CCDC141: variants seen among roughly 807,000 people sequenced by gnomAD.
CCDC141 encodes coiled-coil domain containing 141, also known as coiled-coil domain-containing protein 141.
In CCDC141, 168 loss-of-function variants were observed where a neutral mutation model predicts 181.0. The observed-to-expected ratio is 0.93, with a 90% CI of 0.82 to 1.05. CCDC141 has a LOEUF of 1.05. Ranked by LOEUF, CCDC141 falls within the 50% of genes least tolerant of loss-of-function variation. The pLI is 0.00. For synonymous variants in CCDC141, 666 were observed against 642.3 expected (o/e 1.04, Z -0.56); for missense variants, 1,902 against 1,788.5 (o/e 1.06, Z -1.14).
intron 5 of CCDC141, among the ~76,000 whole-genome samples, chr2:178,958,128 A>G (rs1223071939): frequency 6.6e-6 from 1 of 152,236 alleles, no homozygotes; most frequent in Non-Finnish European, 1.5e-5. Context: ...ACCAGGGTTT[A>G]GAGGGAAGGG....
chr2:178,911,805 G>A (rs1398659862), intron 7 of CCDC141, among the ~76,000 whole-genome samples: 3 of 152,182 alleles, frequency 2.0e-5, no homozygotes, highest in African/African-American at 7.2e-5. Context: ...TTATGGAAAT[G>A]ATACAAAACA....
Position 178,970,424 on chromosome 2 carries a change from T to C in CCDC141, c.526+4633A>G, listed in dbSNP as rs112872589. Among the ~76,000 whole-genome samples, 1,037 of 152,248 alleles carry C rather than the reference T, an allele frequency of 6.8e-3. 6 individuals are homozygous for C. The highest frequency in any genetic ancestry group is 0.013 in the South Asian group (62 of 4,828). Reference sequence around the variant, plus strand: ...CGTGATACTGGTACCAAAACAGATATATAGACCAATGGAACAGAACACAGG... The same window carrying C: ...CGTGATACTGGTACCAAAACAGATACATAGACCAATGGAACAGAACACAGG... On this transcript the variant is annotated intron_variant, in intron 4 of 23. Coordinates refer to ENST00000443758, the MANE Select transcript of CCDC141 (RefSeq NM_173648.4).
In CCDC141 at chr2:178,903,775, T is replaced by TAA. The variant is rs200542386; in HGVS notation, c.1265+1552_1265+1553dup. On this transcript the variant is annotated intron_variant, in intron 8 of 23. Transcript: ENST00000443758. ...GTATAGTAATAATTTAAAAAAAAAT[T>TAA]AAAAAAAAAAAGAAAGGAACCTTTC... Among the ~76,000 whole-genome samples, 493 of 142,342 alleles carry TAA rather than the reference T, an allele frequency of 3.5e-3. 5 individuals are homozygous for TAA. The highest frequency in any genetic ancestry group is 0.012 in the African/African-American group (478 of 38,784). The allele number at this position is 142,342 out of a possible 152,430, so 93.4% of individuals were successfully genotyped here. A position where few individuals can be genotyped will look rare whatever the true frequency, so the allele number is the denominator to read the frequency against.
intron 4 of CCDC141, among the ~76,000 whole-genome samples, chr2:178,972,555 C>T (rs62177349): frequency 0.16 from 24,729 of 152,100 alleles, 2,097 homozygotes; most frequent in Non-Finnish European, 0.19. Flanking sequence ...AAAATGGCCA[C>T]GTACTCCCCT....
rs758197319 is a variant in CCDC141, at chr2:178,856,297, T to C, written c.2825A>G (p.Tyr942Cys). The C allele has an allele frequency of 6.2e-7, 1 of 1,610,734 alleles. No homozygotes were observed. Among genetic ancestry groups the C allele is most frequent in the South Asian group, 1.1e-5 (1 of 90,378 alleles). Residue 942 changes from tyrosine (Y) to cysteine (C), a missense_variant, in exon 18 of 24, where the codon TAT becomes TGT. Physicochemically the swap from Tyr to Cys is radical, Grantham distance 194 (BLOSUM62 -2). Coordinates refer to ENST00000443758, the MANE Select transcript of CCDC141 (RefSeq NM_173648.4). Reference sequence around the variant, plus strand: ...ATACATATCAACTTGCTGAATTTGATATTTAAGCGCCTTCAGATTCCGAGA... The same window carrying C: ...ATACATATCAACTTGCTGAATTTGACATTTAAGCGCCTTCAGATTCCGAGA... ...EKSRNLKALK[Y>C]QIQQVDMYAE...
intron 2 of CCDC141, among the ~76,000 whole-genome samples, chr2:179,017,348 T>C (rs1216587602): frequency 6.6e-6 from 1 of 152,168 alleles, no homozygotes; most frequent in Admixed American, 6.6e-5. Flanking sequence ...TTCCACTTCT[T>C]ACTTACATCT....
chr2:178,852,097 C>A lies in CCDC141; in HGVS notation c.3244+1344G>T, dbSNP rs758732458. 2.0e-5 allele frequency among the ~76,000 whole-genome samples: 3 copies of A among 152,128 alleles called. No individual in the cohort carries two copies. The East Asian group carries it at 5.8e-4, about 29-fold the overall frequency. On this transcript the variant is annotated intron_variant, in intron 20 of 23. Transcript: ENST00000443758. ...TAGACAGTGAACTAACAAGCAAAAT[C>A]GCTCCTCAAATACAGCTTACACTCT... is the stretch of plus-strand genomic sequence containing the variant.
Position 178,871,544 on chromosome 2 carries a change from G to GT in CCDC141, c.2087dup (p.His696GlnfsTer17). The stretch of plus-strand genomic sequence containing the variant: ...GTGCTTCCTGAAGAAGTTTTAAGTT[G>GT]TGAGAAGTCTGAAATAAATATTGGA... On this transcript the variant is annotated frameshift_variant, in exon 14 of 24. Transcript: ENST00000443758. LOFTEE classifies it high-confidence loss of function. 6.2e-7 allele frequency: 1 copy of GT among 1,611,960 alleles called. No homozygotes were observed. The highest frequency in any genetic ancestry group is 8.5e-7 in the Non-Finnish European group (1 of 1,179,416).
intron 11 of CCDC141, among the ~76,000 whole-genome samples, chr2:178,878,923 A>T (rs1686472228): frequency 6.6e-6 from 1 of 152,190 alleles, no homozygotes; most frequent in Admixed American, 6.5e-5. Flanking sequence ...CCAGTGAAAG[A>T]TTATTAGTAA....
At chr2:178,847,875 C>T (rs1257523183) in intron 21 of CCDC141, among the ~76,000 whole-genome samples, 1 of 152,178 alleles carries the variant, frequency 6.6e-6, no homozygotes, top group African/African-American at 2.4e-5. Flanking sequence ...CTGAGAGACA[C>T]CCCTCATTCT....
At chr2:178,993,794 G>T (rs1181377598) in intron 2 of CCDC141, among the ~76,000 whole-genome samples, 1 of 152,060 alleles carries the variant, frequency 6.6e-6, no homozygotes, top group Non-Finnish European at 1.5e-5. Flanking sequence ...GGGAGTACAG[G>T]CATTGGGTTA....
At position 179,040,260 on chromosome 2, in the gene CCDC141, C is replaced by T. The variant is rs939180785; in HGVS notation, c.225+7024G>A. 3.3e-5 allele frequency among the ~76,000 whole-genome samples: 5 copies of T among 152,208 alleles called. No homozygotes were observed. In the East Asian group the frequency reaches 9.6e-4, roughly 29 times the overall value. ...GATAAAAAGCCTAAAGTCCAGAGAA[C>T]TTAAATGGCTAGTCCACACATAGCC... On this transcript the variant is annotated intron_variant, in intron 2 of 23. Coordinates refer to ENST00000443758, the MANE Select transcript of CCDC141 (RefSeq NM_173648.4).
chr2:178,945,883 G>A (rs1473778669), intron 5 of CCDC141, among the ~76,000 whole-genome samples: 1 of 145,512 alleles, frequency 6.9e-6, no homozygotes, highest in Non-Finnish European at 1.5e-5. Flanking sequence ...ACACATCAGA[G>A]TTAAGGGCTC....
intron 2 of CCDC141, among the ~76,000 whole-genome samples, chr2:179,021,152 C>T (rs1254033952): frequency 6.6e-6 from 1 of 152,032 alleles, no homozygotes; most frequent in Non-Finnish European, 1.5e-5. Context: ...CATTTTATGC[C>T]TTTATTTCAC....
intron 2 of CCDC141, among the ~76,000 whole-genome samples, chr2:178,984,974 C>T (rs1234105139): frequency 8.0e-5 from 12 of 150,708 alleles, no homozygotes; most frequent in Admixed American, 4.6e-4. Flanking sequence ...ACCTAATAGA[C>T]ATCTACAGAA....
At position 178,872,185 on chromosome 2, in the gene CCDC141, T is replaced by C. The variant is rs1221226265; in HGVS notation, c.2027A>G (p.Glu676Gly). The C allele has an allele frequency of 1.9e-6, 3 of 1,613,956 alleles. No homozygotes were observed. The highest frequency in any genetic ancestry group is 2.5e-6 in the Non-Finnish European group (3 of 1,179,988). ...LRLAWQLKAT[E>G]SKPGKQQWAA... ...CCACTGCTGTTTTCCAGGCTTGCTT[T>C]CCGTGGCTTTAAGCTGCCATGCCAG... The change falls in exon 13 of 24, where the codon GAA becomes GGA. Residue 676 changes from glutamate to glycine, a missense_variant. Physicochemically the swap from Glu to Gly is moderately conservative, Grantham distance 98 (BLOSUM62 -2). Coordinates refer to ENST00000443758, the MANE Select transcript of CCDC141 (RefSeq NM_173648.4).
chr2:178,855,676 A>G, intron 18 of CCDC141, 135 bp from the exon 19 acceptor site: 1 of 548,934 alleles, frequency 1.8e-6, no homozygotes, highest in East Asian at 3.3e-5. Context: ...TATTACAAAT[A>G]TATTATGGTA....
At chr2:178,859,414 A>T (rs1201134864) in intron 17 of CCDC141, among the ~76,000 whole-genome samples, 1 of 152,174 alleles carries the variant, frequency 6.6e-6, no homozygotes, top group Admixed American at 6.5e-5. Context: ...CACTGTTCAC[A>T]CAGCTGTTTC....
At chr2:178,986,485 G>T (rs1691747857) in intron 2 of CCDC141, among the ~76,000 whole-genome samples, 1 of 152,102 alleles carries the variant, frequency 6.6e-6, no homozygotes, top group South Asian at 2.1e-4. Flanking sequence ...GGCAGGAGAA[G>T]GAAATAAAGG....
Sources: allele counts gnomAD v4.1 joint callset (sites outside exome capture counted in the v4.1 genomes callset), GRCh38; gene constraint gnomAD v4.1.1; transcripts MANE v1.5; gene names NCBI Gene and HGNC (gene_info 2026-07-23, HGNC 2026-07-21).